The following SYCP2L variants were observed in gnomAD, a reference collection of about 807,000 sequenced individuals.
The protein encoded by SYCP2L is synaptonemal complex protein 2-like.
Under a neutral mutation model 125.8 loss-of-function variants are expected in SYCP2L, and 98 were observed. The observed-to-expected ratio is 0.78, with a 90% CI of 0.66 to 0.92. The LOEUF (loss-of-function observed/expected upper bound fraction) is 0.92, where lower values mean the gene tolerates loss of function less well. SYCP2L is among the 40% of genes least tolerant of loss of function. The pLI, the probability that SYCP2L is intolerant of heterozygous loss-of-function variation, is 0.00. For synonymous variants in SYCP2L, 317 were observed against 325.4 expected (o/e 0.97, Z 0.28); for missense variants, 842 against 936.4 (o/e 0.90, Z 1.32).
chr6:10,928,027 T>A (rs1457705319), intron 17 of SYCP2L, among the ~76,000 whole-genome samples: 2 of 152,204 alleles, frequency 1.3e-5, no homozygotes, highest in Non-Finnish European at 1.5e-5. Flanking sequence ...TCTCTCTTAT[T>A]CCCTGAACAT....
intron 23 of SYCP2L, among the ~76,000 whole-genome samples, chr6:10,946,262 A>T (rs1204908322): frequency 6.6e-5 from 10 of 151,316 alleles, no homozygotes; most frequent in African/African-American, 2.4e-4. Flanking sequence ...TTCTTTTTTC[A>T]TTTACTGATT....
At position 10,902,752 on chromosome 6, in the gene SYCP2L, T is replaced by A; in HGVS notation, c.542T>A (p.Leu181His). 1 of 1,614,186 alleles carries A rather than the reference T, an allele frequency of 6.2e-7. No individual in the cohort carries two copies. The highest frequency in any genetic ancestry group is 8.5e-7 in the Non-Finnish European group (1 of 1,180,010). ...ACAGAAAAGACTGTAAATCATTTGC[T>A]TCAACAGGAGGTGAGTTGCAAGTAA... ...LVTEKTVNHL[L>H]QQEGLKTFNC... Residue 181 changes from leucine (L) to histidine (H), a missense_variant, in exon 7 of 30, where the codon CTT becomes CAT. Physicochemically the swap from Leu to His is moderately conservative, Grantham distance 99 (BLOSUM62 -3). Transcript: ENST00000283141.
chr6:10,896,175 C>T (rs1167686383), intron 4 of SYCP2L, among the ~76,000 whole-genome samples: 1 of 152,154 alleles, frequency 6.6e-6, no homozygotes, highest in East Asian at 1.9e-4. Flanking sequence ...CAGAAAGGAA[C>T]ATCTTTAGTC....
chr6:10,900,787 G>A (rs9379922), intron 6 of SYCP2L, among the ~76,000 whole-genome samples: 1 of 151,954 alleles, frequency 6.6e-6, no homozygotes, highest in African/African-American at 2.4e-5. Context: ...ATGAATTTCG[G>A]GGGGGGACAC....
At chr6:10,905,998 G>A (rs1253010285) in intron 8 of SYCP2L, 22 bp from the exon 9 acceptor site, 34 of 1,564,546 alleles carry the variant, frequency 2.2e-5, no homozygotes, top group Non-Finnish European at 3.0e-5. Context: ...TCAGTTAAAT[G>A]TGATTTATCT....
chr6:10,891,190 T>G (rs1364832289), intron 1 of SYCP2L, among the ~76,000 whole-genome samples: 2 of 152,320 alleles, frequency 1.3e-5, no homozygotes, highest in Admixed American at 1.3e-4. Flanking sequence ...GTTCAAAGCC[T>G]TTTTACTTCT....
intron 23 of SYCP2L, among the ~76,000 whole-genome samples, chr6:10,945,502 G>A (rs1036543695): frequency 3.3e-5 from 5 of 152,078 alleles, no homozygotes; most frequent in Non-Finnish European, 5.9e-5. Flanking sequence ...AGGCGTGGTG[G>A]CTCACACCTG....
At chr6:10,968,805 T>C (rs1023104540) in intron 29 of SYCP2L, among the ~76,000 whole-genome samples, 1 of 152,048 alleles carries the variant, frequency 6.6e-6, no homozygotes, top group African/African-American at 2.4e-5. Flanking sequence ...GCAAGGGGAT[T>C]TGAGACCAAT....
At chr6:10,920,515 C>T (rs1448573051) in intron 14 of SYCP2L, among the ~76,000 whole-genome samples, 1 of 152,204 alleles carries the variant, frequency 6.6e-6, no homozygotes, top group Non-Finnish European at 1.5e-5. Context: ...CCGTGCCTGG[C>T]CTCCTTAGAA....
At chr6:10,918,990 T>C (rs1780740344) in intron 14 of SYCP2L, among the ~76,000 whole-genome samples, 1 of 152,230 alleles carries the variant, frequency 6.6e-6, no homozygotes, top group Non-Finnish European at 1.5e-5. Flanking sequence ...TGTATGATTT[T>C]TTTATTTCCT....
chr6:10,904,767 T>G (rs1270217771), intron 8 of SYCP2L, among the ~76,000 whole-genome samples: 1 of 152,146 alleles, frequency 6.6e-6, no homozygotes, highest in Admixed American at 6.6e-5. Flanking sequence ...TCGAGCTGCT[T>G]CTTACAAGAG....
Position 10,935,115 on chromosome 6 carries a change from C to A in SYCP2L, c.1741C>A (p.Pro581Thr), listed in dbSNP as rs775120239. The change falls in exon 21 of 30, where the codon CCA becomes ACA. Residue 581 changes from proline (P) to threonine (T), a missense_variant. Pro to Thr is a conservative substitution (Grantham distance 38). Transcript: ENST00000283141. ...ACCCGAGCAAAATAACACCACATCT[C>A]CAAAGACTTCTGAACAAAAATTCCA... ...EIPEQNNTTS[P>T]KTSEQKFQDS... The A allele has an allele frequency of 6.2e-7, 1 of 1,613,106 alleles. No individual in the cohort carries two copies. The highest frequency in any genetic ancestry group is 8.5e-7 in the Non-Finnish European group (1 of 1,179,598).
chr6:10,915,947 TC>T (rs1388883907), intron 14 of SYCP2L, among the ~76,000 whole-genome samples: 1 of 152,206 alleles, frequency 6.6e-6, no homozygotes, highest in African/African-American at 2.4e-5. Flanking sequence ...ATCTGTCTGG[TC>T]CTGGACTTTT....
chr6:10,906,044 G>T lies in SYCP2L; in HGVS notation c.666G>T (p.Leu222Phe). The change falls in exon 9 of 30, where the codon TTG becomes TTT. Residue 222 changes from leucine (L) to phenylalanine (F), a missense_variant. Physicochemically the swap from Leu to Phe is conservative, Grantham distance 22 (BLOSUM62 0). Transcript: ENST00000283141. Reference protein sequence around the residue: ...HLMKDLARTLLTVGDYDQQVA... With the variant: ...HLMKDLARTLFTVGDYDQQVA... ...GGAAAGACCTTGCAAGGACACTCTT[G>T]ACTGTGGGTGGTAAGAAATTTTAGA... The T allele has an allele frequency of 6.3e-7, 1 of 1,598,904 alleles. No homozygotes were observed. Among genetic ancestry groups the T allele is most frequent in the South Asian group, 1.1e-5 (1 of 89,592 alleles).
At chr6:10,911,558 A>G (rs1056533751) in intron 12 of SYCP2L, among the ~76,000 whole-genome samples, 5 of 152,124 alleles carry the variant, frequency 3.3e-5, no homozygotes, top group Admixed American at 2.6e-4. Flanking sequence ...TACACTACAC[A>G]TTCCTTCTCT....
At chr6:10,926,953 G>A (rs1780908387) in intron 16 of SYCP2L, among the ~76,000 whole-genome samples, 1 of 151,920 alleles carries the variant, frequency 6.6e-6, no homozygotes, top group Non-Finnish European at 1.5e-5. Flanking sequence ...CTAATTTTTT[G>A]TATTTTCAGC....
intron 21 of SYCP2L, among the ~76,000 whole-genome samples, chr6:10,937,452 T>G (rs1178310600): frequency 1.4e-5 from 2 of 147,952 alleles, no homozygotes; most frequent in African/African-American, 5.0e-5. Flanking sequence ...AAAAGGGGAG[T>G]TTATTAGCAA....
At chr6:10,905,517 C>G (rs1394253857) in intron 8 of SYCP2L, among the ~76,000 whole-genome samples, 1 of 152,112 alleles carries the variant, frequency 6.6e-6, no homozygotes, top group Non-Finnish European at 1.5e-5. Context: ...GTCTCGAACT[C>G]CGAACCTCAG....
At position 10,954,850 on chromosome 6, in the gene SYCP2L, C is replaced by A. The variant is rs1781472475; in HGVS notation, c.1955-266C>A. Among the ~76,000 whole-genome samples the A allele has an allele frequency of 6.6e-6, 1 of 152,194 alleles. No individual in the cohort carries two copies. The highest frequency in any genetic ancestry group is 2.4e-5 in the African/African-American group (1 of 41,444). ...ACCATTACTGCTTAACTTAGGAACGCTCTGCCTAGTGAGGGGTCTGTGCTA... is the reference window on the plus strand; with the variant it reads ...ACCATTACTGCTTAACTTAGGAACGATCTGCCTAGTGAGGGGTCTGTGCTA... On this transcript the variant is annotated intron_variant, in intron 23 of 29. Transcript: ENST00000283141. This position sits in a 1 kb window ranked among gnomAD's most constrained non-coding sequence, Gnocchi z 4.8.
Sources: allele counts gnomAD v4.1 joint callset (sites outside exome capture counted in the v4.1 genomes callset), GRCh38; gene constraint gnomAD v4.1.1; non-coding constraint Gnocchi (gnomAD v3.1); transcripts MANE v1.5; gene names NCBI Gene and HGNC (gene_info 2026-07-23, HGNC 2026-07-21).